USP13: variants seen among roughly 807,000 people sequenced by gnomAD.
The protein encoded by USP13 is ubiquitin carboxyl-terminal hydrolase 13.
Under a neutral mutation model 107.8 loss-of-function variants are expected in USP13, and 68 were observed. The observed-to-expected ratio is 0.63, with a 90% CI of 0.52 to 0.77. USP13 has a LOEUF of 0.77. Ranked by LOEUF, USP13 falls within the 30% of genes least tolerant of loss-of-function variation. USP13 has a pLI of 0.00. For missense variants in USP13, 945 were observed against 1,093.3 expected, an observed-to-expected ratio of 0.86 and a Z score of 1.91; for synonymous variants, 377 against 389.5, an observed-to-expected ratio of 0.97 and a Z score of 0.38.
At chr3:179,696,062 T>A (rs1712313144) in intron 3 of USP13, among the ~76,000 whole-genome samples, 1 of 152,174 alleles carries the variant, frequency 6.6e-6, no homozygotes, top group African/African-American at 2.4e-5. Flanking sequence ...GAGTTTTTTT[T>A]AGTGGTTTCT....
chr3:179,735,572 T>C (rs1396595171), intron 10 of USP13, among the ~76,000 whole-genome samples: 2 of 152,192 alleles, frequency 1.3e-5, no homozygotes, highest in African/African-American at 4.8e-5. Context: ...CACTCTTCTC[T>C]TTCATTTCCT....
At chr3:179,715,443 C>T (rs1378051149) in intron 6 of USP13, among the ~76,000 whole-genome samples, 7 of 148,838 alleles carry the variant, frequency 4.7e-5, no homozygotes. Context: ...CAGCTCACTG[C>T]AACCTCCGCC....
chr3:179,778,923 A>AGGTG (rs1331621752), intron 19 of USP13, among the ~76,000 whole-genome samples: 1 of 152,174 alleles, frequency 6.6e-6, no homozygotes, highest in East Asian at 1.9e-4. Flanking sequence ...CTCTCTGATG[A>AGGTG]GGTGACATTT....
chr3:179,772,738 T>C (rs1276447356), intron 19 of USP13, among the ~76,000 whole-genome samples: 1 of 152,194 alleles, frequency 6.6e-6, no homozygotes, highest in Non-Finnish European at 1.5e-5. Flanking sequence ...GAAGGATAAA[T>C]GATGGAGAAC....
intron 19 of USP13, among the ~76,000 whole-genome samples, chr3:179,768,752 G>C (rs1576989888): frequency 6.6e-6 from 1 of 152,168 alleles, no homozygotes; most frequent in East Asian, 1.9e-4. Context: ...GACTTTGATA[G>C]CATTTTTGCT....
intron 5 of USP13, among the ~76,000 whole-genome samples, chr3:179,707,401 C>T (rs967989916): frequency 4.6e-5 from 7 of 152,144 alleles, no homozygotes; most frequent in Non-Finnish European, 8.8e-5. Context: ...AGCTCCCTCC[C>T]TCCTCCTGGA....
chr3:179,724,213 T>C (rs957387603), intron 8 of USP13, among the ~76,000 whole-genome samples: 1 of 151,420 alleles, frequency 6.6e-6, no homozygotes, highest in Non-Finnish European at 1.5e-5. Flanking sequence ...ATCCTAGCAC[T>C]TTGGGAGGCC....
Position 179,679,231 on chromosome 3 carries a change from CAAATTTTAAACAAAT to C in USP13, c.169-2632_169-2618del, listed in dbSNP as rs1711565423. 2.0e-5 allele frequency among the ~76,000 whole-genome samples: 3 copies of C among 151,924 alleles called. No individual in the cohort carries two copies. In the South Asian group the frequency reaches 6.2e-4, roughly 32 times the overall value. Reference sequence around the variant, plus strand: ...TTAAAAAATTTTATTGGAATTTAAACAAATTTTAAACAAATAAATTTTAAACAAACAAATTTTAAA... The same window carrying C: ...TTAAAAAATTTTATTGGAATTTAAACAAATTTTAAACAAACAAATTTTAAA... On this transcript the variant is annotated intron_variant, in intron 1 of 20. Coordinates refer to ENST00000263966, the MANE Select transcript of USP13 (RefSeq NM_003940.3).
chr3:179,783,725 G>T (rs985773373), intron 20 of USP13, among the ~76,000 whole-genome samples: 1 of 152,116 alleles, frequency 6.6e-6, no homozygotes, highest in Non-Finnish European at 1.5e-5. Flanking sequence ...AGTTGTAGCT[G>T]GGTATGATGG....
intron 15 of USP13, among the ~76,000 whole-genome samples, chr3:179,756,352 G>T (rs1714794695): frequency 6.6e-6 from 1 of 152,076 alleles, no homozygotes. Flanking sequence ...GAACCAGGGA[G>T]TCGAGCCGAG....
chr3:179,665,091 GAAAA>G (rs909083518), intron 1 of USP13, among the ~76,000 whole-genome samples: 4 of 147,420 alleles, frequency 2.7e-5, no homozygotes, highest in African/African-American at 1.0e-4. Context: ...TGTCTCAAAA[GAAAA>G]AAAAAAGATT....
chr3:179,654,213 C>A (rs1320869610), intron 1 of USP13, among the ~76,000 whole-genome samples: 250 of 105,392 alleles, frequency 2.4e-3, no homozygotes, highest in Middle Eastern at 4.5e-3. Context: ...GACTCCGTCT[C>A]AAAAAAAAAA....
At chr3:179,688,134 T>TCCATCCATATATCC (rs1553789291) in intron 2 of USP13, among the ~76,000 whole-genome samples, 3 of 31,412 alleles carry the variant, frequency 9.6e-5, no homozygotes, top group Non-Finnish European at 2.1e-4. Context: ...TCCATCCATA[T>TCCATCCATATATCC]ATCCATCCAT....
In USP13 at chr3:179,664,984, A is replaced by G. The variant is rs570123615; in HGVS notation, c.168+11591A>G. Reference sequence around the variant, plus strand: ...GTGCCTGTAATCCCAGCTACTCAGGAGGCTGAGGCAGGAGAATCGCTTAAA... The same window carrying G: ...GTGCCTGTAATCCCAGCTACTCAGGGGGCTGAGGCAGGAGAATCGCTTAAA... On this transcript the variant is annotated intron_variant, in intron 1 of 20. Coordinates refer to ENST00000263966, the MANE Select transcript of USP13 (RefSeq NM_003940.3). Among the ~76,000 whole-genome samples the G allele has an allele frequency of 2.0e-5, 3 of 152,248 alleles. No homozygotes were observed. The South Asian group carries it at 6.2e-4, about 32-fold the overall frequency.
chr3:179,739,310 C>T (rs1243780175), intron 10 of USP13, among the ~76,000 whole-genome samples: 4 of 152,224 alleles, frequency 2.6e-5, no homozygotes, highest in African/African-American at 9.6e-5. Context: ...TCCCCCGCAG[C>T]CTTTCTAGCA....
chr3:179,741,711 A>C (rs1031915083), intron 11 of USP13, among the ~76,000 whole-genome samples: 10 of 152,170 alleles, frequency 6.6e-5, no homozygotes, highest in African/African-American at 2.4e-4. Context: ...TCCAGGTCTT[A>C]TGTTAATTCT....
At chr3:179,665,018 G>A (rs1024960051) in intron 1 of USP13, among the ~76,000 whole-genome samples, 3 of 152,246 alleles carry the variant, frequency 2.0e-5, no homozygotes, top group East Asian at 3.9e-4. Context: ...AACCCAGGAG[G>A]CGGAGGTGCA....
At chr3:179,736,026 A>G (rs2108508654) in intron 10 of USP13, among the ~76,000 whole-genome samples, 1 of 152,276 alleles carries the variant, frequency 6.6e-6, no homozygotes, top group Non-Finnish European at 1.5e-5. Flanking sequence ...GGCAACAGCA[A>G]AACTTCATCT....
chr3:179,761,583 A>T (rs1335334802), intron 17 of USP13, among the ~76,000 whole-genome samples: 3 of 152,108 alleles, frequency 2.0e-5, no homozygotes, highest in Non-Finnish European at 1.5e-5. Flanking sequence ...TTAGCTGGGC[A>T]TGGTGGTGCG....
Sources: gnomAD v4.1 joint callset for allele counts (sites outside exome capture counted in the v4.1 genomes callset) on GRCh38, gnomAD v4.1.1 for gene constraint, MANE v1.5 for transcripts, NCBI Gene and HGNC (gene_info 2026-07-23, HGNC 2026-07-21) for gene names.